The following GLT1D1 variants were observed in gnomAD, a reference collection of about 807,000 sequenced individuals.
GLT1D1 encodes the protein glycosyltransferase 1 domain-containing protein 1.
Under a neutral mutation model 28.7 loss-of-function variants are expected in GLT1D1, and 21 were observed. The ratio of observed to expected loss-of-function variants is 0.73; its 90% CI spans 0.52 to 1.05. The LOEUF (loss-of-function observed/expected upper bound fraction) is 1.05. GLT1D1 is among the 50% of genes least tolerant of loss of function. The pLI is 0.00. For synonymous variants in GLT1D1, 147 were observed against 124.8 expected, an observed-to-expected ratio of 1.18 and a Z score of -1.19; for missense variants, 343 against 330.6, an observed-to-expected ratio of 1.04 and a Z score of -0.29.
At chr12:128,862,171 A>G (rs1256932456) in intron 1 of GLT1D1, among the ~76,000 whole-genome samples, 1 of 151,346 alleles carries the variant, frequency 6.6e-6, no homozygotes, top group African/African-American at 2.4e-5. Context: ...TCTACTAAAA[A>G]TACAAAAATT....
chr12:128,908,471 CCTT>C (rs1282529606), intron 4 of GLT1D1, among the ~76,000 whole-genome samples: 45 of 145,388 alleles, frequency 3.1e-4, no homozygotes, highest in African/African-American at 1.1e-3. Flanking sequence ...TTCTTTCTTT[CCTT>C]CTTTCTTTTT....
At chr12:128,980,114 G>T (rs1880178256) in intron 7 of GLT1D1, among the ~76,000 whole-genome samples, 1 of 152,200 alleles carries the variant, frequency 6.6e-6, no homozygotes, top group African/African-American at 2.4e-5. Flanking sequence ...CTGCTTTGCT[G>T]AGATGAAGTC....
chr12:128,933,346 G>A (rs1224984704), intron 4 of GLT1D1, among the ~76,000 whole-genome samples: 2 of 152,378 alleles, frequency 1.3e-5, no homozygotes, highest in African/African-American at 4.8e-5. Flanking sequence ...AGGCGCACAC[G>A]CATGCGCACG....
chr12:128,873,214 A>G (rs1956743859), intron 1 of GLT1D1, among the ~76,000 whole-genome samples: 1 of 152,136 alleles, frequency 6.6e-6, no homozygotes, highest in Non-Finnish European at 1.5e-5. Flanking sequence ...CTCTTTGGAC[A>G]CAATCATTGT....
rs35487977 is a variant in GLT1D1, at chr12:128,869,939, A to ATTTTTTT, written c.69-5964_69-5958dup. On this transcript the variant is annotated intron_variant, in intron 1 of 7. Transcript: ENST00000281703. Reference sequence around the variant, plus strand: ...AAAAAAGAGTTCCTGTGTGTATTCTATTTTTTTTTTTTTTTTTGAGGCAGA... The same window carrying ATTTTTTT: ...AAAAAAGAGTTCCTGTGTGTATTCTATTTTTTTTTTTTTTTTTTTTTTTTGAGGCAGA... 1.7e-3 allele frequency among the ~76,000 whole-genome samples: 211 copies of ATTTTTTT among 125,234 alleles called. 3 individuals carry two copies. Among genetic ancestry groups the ATTTTTTT allele is most frequent in the African/African-American group, 5.9e-3 (203 of 34,282 alleles). 82.2% of individuals were successfully genotyped at this position (125,234 alleles called of 152,430 possible). A position where few individuals can be genotyped will look rare whatever the true frequency, so the allele number is the denominator to read the frequency against.
chr12:128,857,765 G>T (rs958973569), intron 1 of GLT1D1, among the ~76,000 whole-genome samples: 2 of 152,074 alleles, frequency 1.3e-5, no homozygotes, highest in Non-Finnish European at 2.9e-5. Flanking sequence ...GTCAGAATTA[G>T]GTAAGACTGA....
Position 128,853,522 on chromosome 12 carries a change from G to A in GLT1D1, c.-60G>A. ...CTCCCCCGCCGTCCGCGTCTGCGCCGGCCCCGGGGCCTGGTCGGCGGCGGC... is the reference window on the plus strand; with the variant it reads ...CTCCCCCGCCGTCCGCGTCTGCGCCAGCCCCGGGGCCTGGTCGGCGGCGGC... On this transcript the variant is annotated 5_prime_UTR_variant, in exon 1 of 8. Coordinates refer to ENST00000281703, the MANE Select transcript of GLT1D1 (RefSeq NM_144669.3). 9.8e-7 allele frequency: 1 copy of A among 1,016,792 alleles called. No homozygotes were observed. The highest frequency in any genetic ancestry group is 1.2e-6 in the Non-Finnish European group (1 of 852,904). 63.0% of individuals were successfully genotyped at this position (1,016,792 alleles called of 1,614,324 possible). A position where few individuals can be genotyped will look rare whatever the true frequency, so the allele number is the denominator to read the frequency against.
chr12:128,922,937 A>G (rs1187176023), intron 4 of GLT1D1, among the ~76,000 whole-genome samples: 1 of 108,708 alleles, frequency 9.2e-6, no homozygotes, highest in African/African-American at 3.3e-5. Flanking sequence ...AAAAAAAAAA[A>G]AAAAAAAAAG....
intron 1 of GLT1D1, among the ~76,000 whole-genome samples, chr12:128,874,793 G>A (rs1956833070): frequency 6.6e-6 from 1 of 152,080 alleles, no homozygotes; most frequent in South Asian, 2.1e-4. Flanking sequence ...CCTCATGTCC[G>A]TTTTCCTATT....
At chr12:128,931,921 A>ACACG (rs547275422) in intron 4 of GLT1D1, among the ~76,000 whole-genome samples, 2 of 127,734 alleles carry the variant, frequency 1.6e-5, no homozygotes, top group African/African-American at 3.0e-5. Context: ...ACGCACGCAC[A>ACACG]CACACACACA....
intron 4 of GLT1D1, chr12:128,930,409 C>T (rs557837295): frequency 1.2e-4 from 19 of 152,114 alleles, no homozygotes; most frequent in Non-Finnish European, 2.1e-4. Flanking sequence ...GTGCTTGATA[C>T]CAGCTTTCCA....
intron 4 of GLT1D1, among the ~76,000 whole-genome samples, chr12:128,911,399 CA>C (rs2135883767): frequency 6.6e-6 from 1 of 152,350 alleles, no homozygotes; most frequent in East Asian, 1.9e-4. Flanking sequence ...CGTGGATCAG[CA>C]TACCCCATGC....
intron 4 of GLT1D1, chr12:128,945,025 C>T (rs1247354812): frequency 3.2e-6 from 2 of 621,606 alleles, no homozygotes; most frequent in Non-Finnish European, 5.8e-6. Context: ...CAATTCCCAC[C>T]TATGAGTGAG....
chr12:128,904,074 G>A (rs1169551522), intron 4 of GLT1D1, among the ~76,000 whole-genome samples: 1 of 151,778 alleles, frequency 6.6e-6, no homozygotes, highest in East Asian at 1.9e-4. Context: ...GAAGTAGCAA[G>A]AATAGTAGAG....
chr12:128,962,207 T>C (rs187550674), intron 7 of GLT1D1, among the ~76,000 whole-genome samples: 1 of 152,328 alleles, frequency 6.6e-6, no homozygotes, highest in East Asian at 1.9e-4. Context: ...GTTGAACACG[T>C]CATGCCTTCA....
intron 4 of GLT1D1, among the ~76,000 whole-genome samples, chr12:128,939,873 G>C (rs1223489243): frequency 9.9e-6 from 1 of 100,522 alleles, no homozygotes; most frequent in African/African-American, 4.1e-5. Flanking sequence ...CCTCCTACCA[G>C]GCCCCACCTC....
chr12:128,925,325 T>G (rs182607477), intron 4 of GLT1D1, among the ~76,000 whole-genome samples: 4 of 152,248 alleles, frequency 2.6e-5, no homozygotes, highest in Non-Finnish European at 5.9e-5. Flanking sequence ...TTCTTCCTGA[T>G]GCTCTGCCTC....
At chr12:128,952,623 C>G (rs149796785) in intron 6 of GLT1D1, among the ~76,000 whole-genome samples, 1 of 150,976 alleles carries the variant, frequency 6.6e-6, no homozygotes, top group African/African-American at 2.4e-5. Flanking sequence ...TGCGCCACCA[C>G]GCTTGGCTAA....
At chr12:128,947,595 G>C in intron 6 of GLT1D1, 137 bp downstream of exon 10, 1 of 903,330 alleles carries the variant, frequency 1.1e-6, no homozygotes, top group Non-Finnish European at 1.7e-6. Flanking sequence ...CATACCTGTT[G>C]GAGTTCAAAA....
Sources: allele counts gnomAD v4.1 joint callset (sites outside exome capture counted in the v4.1 genomes callset), GRCh38; gene constraint gnomAD v4.1.1; transcripts MANE v1.5; gene names NCBI Gene and HGNC (gene_info 2026-07-23, HGNC 2026-07-21).